CEP43: variants seen among roughly 807,000 people sequenced by gnomAD.
CEP43 encodes FGFR1 oncogene partner.
CEP43 carries 36 observed loss-of-function variants against 52.6 expected under a neutral mutation model. The observed-to-expected ratio is 0.68, with a 90% CI of 0.52 to 0.90. The LOEUF (loss-of-function observed/expected upper bound fraction) is 0.90. CEP43 is among the 40% of genes least tolerant of loss of function. The pLI is 0.00. For synonymous variants in CEP43, 192 were observed against 172.4 expected, an observed-to-expected ratio of 1.11 and a Z score of -0.89; for missense variants, 506 against 472.8, an observed-to-expected ratio of 1.07 and a Z score of -0.65.
intron 8 of CEP43, among the ~76,000 whole-genome samples, chr6:167,023,242 A>G (rs1351149300): frequency 6.6e-6 from 1 of 152,134 alleles, no homozygotes; most frequent in Non-Finnish European, 1.5e-5. Flanking sequence ...TTTCTTTGAG[A>G]CTGGAAGCCC....
At chr6:167,031,038 T>C (rs11759441) in intron 10 of CEP43, among the ~76,000 whole-genome samples, 1 of 152,152 alleles carries the variant, frequency 6.6e-6, no homozygotes, top group Non-Finnish European at 1.5e-5. Context: ...TTACTGGTGG[T>C]TTTTACATTT....
At chr6:167,000,432 AAT>A (rs938747381) in intron 2 of CEP43, among the ~76,000 whole-genome samples, 19 of 152,206 alleles carry the variant, frequency 1.2e-4, no homozygotes, top group African/African-American at 4.6e-4. Context: ...TTAGTAAGCT[AAT>A]ATGTTATTAA....
chr6:167,007,660 C>G (rs1779886102), intron 5 of CEP43, among the ~76,000 whole-genome samples: 1 of 152,140 alleles, frequency 6.6e-6, no homozygotes, highest in Admixed American at 6.5e-5. Context: ...CTTTTATTAG[C>G]TTTTGACTTT....
At position 167,013,632 on chromosome 6, in the gene CEP43, C is replaced by T. The variant is rs1780031694; in HGVS notation, c.579+65C>T. On this transcript the variant is annotated intron_variant, in intron 7 of 12. Transcript: ENST00000366847. ...GCATCAGGTCTCGACTCTGGGGCCTCCTGGAGCGCTGGGCTCCTGTCAGAT... is the reference window on the plus strand; with the variant it reads ...GCATCAGGTCTCGACTCTGGGGCCTTCTGGAGCGCTGGGCTCCTGTCAGAT... The T allele has an allele frequency of 4.6e-6, 6 of 1,312,502 alleles. No homozygotes were observed. In the East Asian group the frequency reaches 6.9e-5, roughly 15 times the overall value. 81.3% of individuals were successfully genotyped at this position (1,312,502 alleles called of 1,614,324 possible). A position where few individuals can be genotyped will look rare whatever the true frequency, so the allele number is the denominator to read the frequency against.
intron 3 of CEP43, 49 bp downstream of exon 3, chr6:167,003,296 C>T (rs1287150486): frequency 6.7e-6 from 7 of 1,037,266 alleles, no homozygotes; most frequent in Admixed American, 5.2e-5. Context: ...ATTTTTGAAT[C>T]TTGATACCAT....
At chr6:167,021,481 G>T (rs1780230093) in intron 7 of CEP43, among the ~76,000 whole-genome samples, 1 of 152,124 alleles carries the variant, frequency 6.6e-6, no homozygotes, top group Admixed American at 6.5e-5. Flanking sequence ...CTCCATAAAT[G>T]TCAGCTGCTT....
intron 10 of CEP43, 39 bp from the exon 11 acceptor site, chr6:167,032,564 G>A (rs1033571716): frequency 6.0e-6 from 9 of 1,492,870 alleles, no homozygotes; most frequent in Admixed American, 4.2e-5. Flanking sequence ...AAATTGTGAC[G>A]CACATTAGAT....
chr6:167,044,528 A>G lies in CEP43; in HGVS notation c.*4550A>G. On this transcript the variant is annotated 3_prime_UTR_variant, in exon 13 of 13. Coordinates refer to ENST00000366847, the MANE Select transcript of CEP43 (RefSeq NM_007045.4). Reference sequence around the variant, plus strand: ...CAGGTTCAAGGAAACCTGGGTGTGCACCGGGTGAATGAGAGTGGCAGACAG... The same window carrying G: ...CAGGTTCAAGGAAACCTGGGTGTGCGCCGGGTGAATGAGAGTGGCAGACAG... 1.0e-6 allele frequency: 1 copy of G among 985,454 alleles called. No individual in the cohort carries two copies. The highest frequency in any genetic ancestry group is 1.2e-6 in the Non-Finnish European group (1 of 829,934). The allele number at this position is 985,454 out of a possible 1,614,324, so 61.0% of individuals were successfully genotyped here.
Position 167,040,048 on chromosome 6 carries a change from A to G in CEP43, c.*70A>G, listed in dbSNP as rs1205357857. Reference sequence around the variant, plus strand: ...CCGGTTCCATTTTTTTTTTTTCCAGACAATCACTCAGCTGGAATGTCTGCT... The same window carrying G: ...CCGGTTCCATTTTTTTTTTTTCCAGGCAATCACTCAGCTGGAATGTCTGCT... On this transcript the variant is annotated 3_prime_UTR_variant, in exon 13 of 13. Coordinates refer to ENST00000366847, the MANE Select transcript of CEP43 (RefSeq NM_007045.4). 6.2e-7 allele frequency: 1 copy of G among 1,604,254 alleles called. No individual in the cohort carries two copies. The highest frequency in any genetic ancestry group is 8.5e-7 in the Non-Finnish European group (1 of 1,174,138).
Position 167,046,423 on chromosome 6 carries a change from G to A in CEP43, c.*6445G>A, listed in dbSNP as rs971517613. On this transcript the variant is annotated 3_prime_UTR_variant, in exon 13 of 13. Coordinates refer to ENST00000366847, the MANE Select transcript of CEP43 (RefSeq NM_007045.4). ...GGAAGGAAGGGAAAGAATGAAGAAA[G>A]CCATTTGTTCCTGCAAACCTAAACC... is the stretch of plus-strand genomic sequence containing the variant. The A allele has an allele frequency of 1.3e-5, 2 of 152,222 alleles. No individual in the cohort carries two copies. Among genetic ancestry groups the A allele is most frequent in the African/African-American group, 4.8e-5 (2 of 41,440 alleles). 9.4% of individuals were successfully genotyped at this position (152,222 alleles called of 1,614,324 possible). A position where few individuals can be genotyped will look rare whatever the true frequency, so the allele number is the denominator to read the frequency against.
At position 167,041,638 on chromosome 6, in the gene CEP43, T is replaced by C; in HGVS notation, c.*1660T>C. 9.6e-7 allele frequency: 1 copy of C among 1,043,922 alleles called. No individual in the cohort carries two copies. The highest frequency in any genetic ancestry group is 1.2e-6 in the Non-Finnish European group (1 of 865,688). The allele number at this position is 1,043,922 out of a possible 1,614,324, so 64.7% of individuals were successfully genotyped here. ...TTTTTAATATTTGATAGGAACTAGG[T>C]TTCAGTGAAATGATTTGAAAGCATA... On this transcript the variant is annotated 3_prime_UTR_variant, in exon 13 of 13. Coordinates refer to ENST00000366847, the MANE Select transcript of CEP43 (RefSeq NM_007045.4).
At chr6:167,018,114 T>A (rs769419071) in intron 7 of CEP43, among the ~76,000 whole-genome samples, 1 of 152,154 alleles carries the variant, frequency 6.6e-6, no homozygotes, top group Non-Finnish European at 1.5e-5. Flanking sequence ...AGTCTTTGCC[T>A]CCATCTTCAC....
chr6:167,031,056 G>A (rs1288249174), intron 10 of CEP43, among the ~76,000 whole-genome samples: 1 of 151,844 alleles, frequency 6.6e-6, no homozygotes. Flanking sequence ...TTTTTTTTGA[G>A]ACAGTATTTT....
In CEP43 at chr6:166,999,493, C is replaced by A. The variant is rs1000046212; in HGVS notation, c.81C>A (p.Ser27Arg). The A allele has an allele frequency of 2.0e-6, 3 of 1,481,390 alleles. No homozygotes were observed. The African/African-American group carries it at 4.4e-5, about 22-fold the overall frequency. The allele number at this position is 1,481,390 out of a possible 1,614,324, so 91.8% of individuals were successfully genotyped here. Residue 27 changes from serine (S) to arginine (R), a missense_variant, in exon 1 of 13, where the codon AGC becomes AGA. Transcript: ENST00000366847. ...RDLLVQTLEN[S>R]GVLNRIKAEL... ...TGCTGGTGCAGACGCTGGAGAACAGCGGGGTCCTGAACCGCATCAAGGTGA... is the reference window on the plus strand; with the variant it reads ...TGCTGGTGCAGACGCTGGAGAACAGAGGGGTCCTGAACCGCATCAAGGTGA...
At chr6:167,026,331 C>G (rs576846451) in intron 9 of CEP43, among the ~76,000 whole-genome samples, 1 of 152,260 alleles carries the variant, frequency 6.6e-6, no homozygotes, top group South Asian at 2.1e-4. Flanking sequence ...CCATTGCACT[C>G]CAGCCTGAGT....
intron 8 of CEP43, 43 bp downstream of exon 8, chr6:167,022,678 A>G (rs763215583): frequency 1.7e-6 from 2 of 1,207,278 alleles, no homozygotes; most frequent in South Asian, 2.6e-5. Context: ...GGGTTTAAAA[A>G]TAAGATAAAT....
rs1780830326 is a variant in CEP43, at chr6:167,048,440, G to C, written c.*8462G>C. On this transcript the variant is annotated 3_prime_UTR_variant, in exon 13 of 13. Transcript: ENST00000366847. ...AGCTACTCGGGAGGCTGAGGCAGGA[G>C]GATTGCAGGAGGTTTGCTTGAGCCG... is the stretch of plus-strand genomic sequence containing the variant. The C allele has an allele frequency of 6.6e-6, 1 of 152,250 alleles. No homozygotes were observed. Among genetic ancestry groups the C allele is most frequent in the Non-Finnish European group, 1.5e-5 (1 of 68,080 alleles). 9.4% of individuals were successfully genotyped at this position (152,250 alleles called of 1,614,324 possible). A position where few individuals can be genotyped will look rare whatever the true frequency, so the allele number is the denominator to read the frequency against.
chr6:167,036,977 G>A (rs1780597216), intron 12 of CEP43, among the ~76,000 whole-genome samples: 1 of 152,054 alleles, frequency 6.6e-6, no homozygotes, highest in Non-Finnish European at 1.5e-5. Context: ...GCTAGTTTTT[G>A]TATTTTGAGT....
intron 8 of CEP43, among the ~76,000 whole-genome samples, chr6:167,024,253 A>T (rs2128664698): frequency 6.6e-6 from 1 of 152,208 alleles, no homozygotes; most frequent in South Asian, 2.1e-4. Flanking sequence ...AGATAAGAGG[A>T]GAGTGGAGAA....
Sources: gnomAD v4.1 joint callset for allele counts (sites outside exome capture counted in the v4.1 genomes callset) on GRCh38, gnomAD v4.1.1 for gene constraint, MANE v1.5 for transcripts, NCBI Gene and HGNC (gene_info 2026-07-23, HGNC 2026-07-21) for gene names.